NOX4: variants seen among roughly 807,000 people sequenced by gnomAD.
NOX4 encodes kidney oxidase-1.
In NOX4, 69 loss-of-function variants were observed where a neutral mutation model predicts 87.6. The observed-to-expected ratio is 0.79, with a 90% confidence interval of 0.65 to 0.96. The LOEUF (loss-of-function observed/expected upper bound fraction) is 0.96, where lower values mean the gene tolerates loss of function less well. Ranked by LOEUF, NOX4 falls within the 40% of genes least tolerant of loss-of-function variation. The pLI, the probability that NOX4 is intolerant of heterozygous loss-of-function variation, is 0.00. For synonymous variants in NOX4, 275 were observed against 238.2 expected, an observed-to-expected ratio of 1.15 and a Z score of -1.42; for missense variants, 680 against 681.5, an observed-to-expected ratio of 1.00 and a Z score of 0.02.
At chr11:89,462,758 T>C (rs1281993271) in intron 2 of NOX4, among the ~76,000 whole-genome samples, 2 of 152,082 alleles carry the variant, frequency 1.3e-5, no homozygotes, top group African/African-American at 2.4e-5. Flanking sequence ...GAACATAATA[T>C]ATTAATCTTT....
At chr11:89,551,225 C>T in the NOX4 span, among the ~76,000 whole-genome samples, 1 of 152,256 alleles carries the variant, frequency 6.6e-6, no homozygotes, top group South Asian at 2.1e-4. Context: ...AGTTTGAAGA[C>T]AGGTAGCGTG....
chr11:89,347,087 A>G (rs568896096), intron 13 of NOX4, among the ~76,000 whole-genome samples: 5 of 152,326 alleles, frequency 3.3e-5, no homozygotes, highest in African/African-American at 1.2e-4. Context: ...TAAGGATTAG[A>G]AGATGAAAGA....
At chr11:89,383,902 G>C (rs1940488828) in intron 11 of NOX4, among the ~76,000 whole-genome samples, 1 of 151,910 alleles carries the variant, frequency 6.6e-6, no homozygotes, top group African/African-American at 2.4e-5. Context: ...CTCCCTCCTT[G>C]GGGACTGATC....
chr11:89,576,418 A>G, the NOX4 span, among the ~76,000 whole-genome samples: 1 of 152,320 alleles, frequency 6.6e-6, no homozygotes, highest in East Asian at 1.9e-4. Context: ...GATCATTTAA[A>G]TTGTATTTCT....
chr11:89,525,778 C>T, the NOX4 span, among the ~76,000 whole-genome samples: 4 of 151,962 alleles, frequency 2.6e-5, no homozygotes, highest in South Asian at 6.2e-4. Flanking sequence ...GCTAGATGAG[C>T]AATATTTACC....
chr11:89,482,611 T>A (rs1374365031), intron 2 of NOX4, among the ~76,000 whole-genome samples: 1 of 152,094 alleles, frequency 6.6e-6, no homozygotes, highest in Non-Finnish European at 1.5e-5. Context: ...TCTAGAACTA[T>A]GAAGAAATTT....
intron 2 of NOX4, among the ~76,000 whole-genome samples, chr11:89,475,611 AC>A (rs2135455653): frequency 6.6e-6 from 1 of 152,230 alleles, no homozygotes; most frequent in African/African-American, 2.4e-5. Flanking sequence ...GGATATATTA[AC>A]GTAAAGCGCA....
intron 8 of NOX4, among the ~76,000 whole-genome samples, chr11:89,416,776 T>C (rs1432327834): frequency 6.6e-6 from 1 of 152,110 alleles, no homozygotes. Flanking sequence ...AAAATACTCC[T>C]TTTAGATTTC....
upstream of NOX4, among the ~76,000 whole-genome samples, chr11:89,495,104 G>C (rs1312045722): frequency 2.0e-5 from 3 of 152,008 alleles, no homozygotes; most frequent in African/African-American, 7.3e-5. Flanking sequence ...CACCACGCCT[G>C]GTTCATTTTT....
intron 7 of NOX4, among the ~76,000 whole-genome samples, chr11:89,423,379 G>C (rs1943193210): frequency 1.4e-5 from 2 of 145,788 alleles, no homozygotes; most frequent in Non-Finnish European, 2.9e-5. Flanking sequence ...CATTTCTATA[G>C]AGTATTTTTA....
chr11:89,415,215 G>C (rs1176142800), intron 8 of NOX4, among the ~76,000 whole-genome samples: 1 of 151,944 alleles, frequency 6.6e-6, no homozygotes, highest in Non-Finnish European at 1.5e-5. Flanking sequence ...CTGTCACATA[G>C]TCAACATTAT....
upstream of NOX4, among the ~76,000 whole-genome samples, chr11:89,499,357 T>G (rs1946993846): frequency 6.6e-6 from 1 of 152,158 alleles, no homozygotes; most frequent in Non-Finnish European, 1.5e-5. Flanking sequence ...ATAAATAAAT[T>G]AATGTCTAAC....
chr11:89,449,731 A>G (rs1944870089), intron 3 of NOX4, among the ~76,000 whole-genome samples: 1 of 152,124 alleles, frequency 6.6e-6, no homozygotes, highest in South Asian at 2.1e-4. Context: ...TTATTGATAT[A>G]GAAAGATGTT....
At chr11:89,493,286 G>A (rs1946905701), upstream of NOX4, among the ~76,000 whole-genome samples, 1 of 152,070 alleles carries the variant, frequency 6.6e-6, no homozygotes, top group African/African-American at 2.4e-5. Context: ...TCAGGAGGCT[G>A]AGGCAGAAGA....
chr11:89,510,903 A>T, the NOX4 span, among the ~76,000 whole-genome samples: 1 of 152,030 alleles, frequency 6.6e-6, no homozygotes, highest in Non-Finnish European at 1.5e-5. Context: ...CTTGTAGTAC[A>T]TCCTCCTCAG....
chr11:89,492,489 C>T (rs1306648049), upstream of NOX4, among the ~76,000 whole-genome samples: 3 of 152,154 alleles, frequency 2.0e-5, no homozygotes, highest in African/African-American at 4.8e-5. Context: ...ATGCAATATA[C>T]TTATTCCAAT....
chr11:89,489,769 G>T (rs151276746), intron 2 of NOX4, among the ~76,000 whole-genome samples: 1 of 149,652 alleles, frequency 6.7e-6, no homozygotes, highest in Non-Finnish European at 1.5e-5. Context: ...AAAAGAAAAC[G>T]CAATCTCCTT....
At chr11:89,431,917 C>T (rs1323830872) in intron 7 of NOX4, among the ~76,000 whole-genome samples, 1 of 152,148 alleles carries the variant, frequency 6.6e-6, no homozygotes, top group Non-Finnish European at 1.5e-5. Flanking sequence ...TTTATTGCGG[C>T]ACTATTCACA....
intron 4 of NOX4, among the ~76,000 whole-genome samples, chr11:89,448,735 T>C (rs1291421053): frequency 6.6e-6 from 1 of 151,808 alleles, no homozygotes; most frequent in Admixed American, 6.6e-5. Context: ...ATACAAAAAC[T>C]AGCCAGGCAT....
Sources: allele counts gnomAD v4.1 joint callset (sites outside exome capture counted in the v4.1 genomes callset), GRCh38; gene constraint gnomAD v4.1.1; transcripts MANE v1.5; gene names NCBI Gene and HGNC (gene_info 2026-07-23, HGNC 2026-07-21).